The following KCNJ5 variants were observed in gnomAD, a reference collection of about 807,000 sequenced individuals.
KCNJ5 encodes the protein potassium inwardly rectifying channel subfamily J member 5.
In KCNJ5, 12 loss-of-function variants were observed where a neutral mutation model predicts 20.2. The observed-to-expected ratio is 0.59, with a 90% CI of 0.38 to 0.96. The LOEUF is 0.96. KCNJ5 is among the 40% of genes least tolerant of loss of function. The probability of loss-of-function intolerance (pLI) is 0.00; values close to 1 mark genes in which losing one functional copy is unlikely to be tolerated. For missense variants in KCNJ5, 449 were observed against 557.6 expected (o/e 0.81, Z 1.96); for synonymous variants, 210 against 213.9 (o/e 0.98, Z 0.16).
At chr11:128,902,051 T>G (rs990239908) in intron 1 of KCNJ5, 4 of 168,850 alleles carry the variant, frequency 2.4e-5, no homozygotes, top group Admixed American at 1.6e-4. Context: ...CCACCCTGGA[T>G]AGTAAAGGTG....
chr11:128,904,084 A>C (rs553033949), intron 1 of KCNJ5, among the ~76,000 whole-genome samples: 12 of 152,360 alleles, frequency 7.9e-5, no homozygotes, highest in African/African-American at 2.4e-4. Context: ...TGAGGCGACT[A>C]AAACGGACTT....
intron 1 of KCNJ5, chr11:128,903,502 G>C: frequency 6.2e-7 from 1 of 1,614,098 alleles, no homozygotes; most frequent in South Asian, 1.1e-5. Context: ...CCTGACAGAG[G>C]CAGACCTGCC....
chr11:128,903,638 G>A, intron 1 of KCNJ5: 1 of 985,076 alleles, frequency 1.0e-6, no homozygotes, highest in Middle Eastern at 2.5e-4. Context: ...GGGCACTCTT[G>A]GTGATGATGC....
Position 128,911,248 on chromosome 11 carries a change from TCTTTTTAA to T in KCNJ5, c.-10-13_-10-6del, listed in dbSNP as rs1565551327. 6.2e-7 allele frequency: 1 copy of T among 1,604,282 alleles called. No individual in the cohort carries two copies. Among genetic ancestry groups the T allele is most frequent in the Non-Finnish European group, 8.5e-7 (1 of 1,171,546 alleles). ...AGAACAGCCCACTTCACTGATGGTG[TCTTTTTAA>T]CTCAAAGCATCCCAGCTATGGCTGG... On this transcript the variant is annotated splice_polypyrimidine_tract_variant and splice_region_variant and intron_variant, in intron 1 of 2. Transcript: ENST00000529694. This position sits in a 1 kb window ranked among gnomAD's most constrained non-coding sequence, Gnocchi z 6.3.
chr11:128,911,546 C>T lies in KCNJ5; in HGVS notation c.273C>T (p.Leu91=), dbSNP rs146853795. 621 of 1,614,230 alleles carry T rather than the reference C, an allele frequency of 3.8e-4. 1 individual carries two copies. The highest frequency in any genetic ancestry group is 4.7e-4 in the Non-Finnish European group (556 of 1,180,044). Residue 91 remains leucine (L), a synonymous_variant, in exon 2 of 3, where the codon CTC becomes CTT. Coordinates refer to ENST00000529694, the MANE Select transcript of KCNJ5 (RefSeq NM_000890.5). The surrounding 1 kb of genome is among the most constrained non-coding windows in gnomAD (Gnocchi z 6.3). Reference sequence around the variant, plus strand: ...ACCTCAAGTGGCGCTTCAACTTGCTCGTCTTCACCATGGTTTACACTGTCA... The same window carrying T: ...ACCTCAAGTGGCGCTTCAACTTGCTTGTCTTCACCATGGTTTACACTGTCA... The part of the protein sequence containing the change: ...LVDLKWRFNL[L]VFTMVYTVTW...
At chr11:128,904,315 C>T in intron 1 of KCNJ5, 1 of 1,458,156 alleles carries the variant, frequency 6.9e-7, no homozygotes. Flanking sequence ...TTCAGGACTG[C>T]ACCCTGGCCT....
intron 1 of KCNJ5, among the ~76,000 whole-genome samples, chr11:128,910,301 G>A (rs557691854): frequency 6.2e-4 from 95 of 152,250 alleles, no homozygotes; most frequent in Non-Finnish European, 1.2e-3. Flanking sequence ...AACACATTAC[G>A]CCCTTTGAAG....
intron 1 of KCNJ5, among the ~76,000 whole-genome samples, chr11:128,908,616 A>T (rs148090402): frequency 3.9e-5 from 6 of 152,234 alleles, no homozygotes; most frequent in Non-Finnish European, 7.3e-5. Context: ...GCCTTCGCCT[A>T]CAAGAATGTA....
rs1301694829 is a variant in KCNJ5, at chr11:128,917,330, G to C, written c.*599G>C. ...CTCTGCTGTTATCTGCCAAATGTGT[G>C]TGTTTTTCCTCTGCTGTGTTCTGTG... On this transcript the variant is annotated 3_prime_UTR_variant, in exon 3 of 3. Transcript: ENST00000529694. The C allele has an allele frequency of 6.5e-6, 1 of 153,220 alleles. No homozygotes were observed. The highest frequency in any genetic ancestry group is 1.9e-4 in the East Asian group (1 of 5,206). 9.5% of individuals were successfully genotyped at this position (153,220 alleles called of 1,614,324 possible).
chr11:128,891,457 G>GAGAGAGAGAA lies in KCNJ5; in HGVS notation c.-266_-265insAAGAGAGAGA. On this transcript the variant is annotated 5_prime_UTR_variant, in exon 1 of 3. Transcript: ENST00000529694. ...ACACACACACAGAGAGAGAGAGAGA[G>GAGAGAGAGAA]AGAGAGAGAGAGAGAGAGATTGTTC... 1 of 151,488 alleles carries GAGAGAGAGAA rather than the reference G, an allele frequency of 6.6e-6. No individual in the cohort carries two copies. Among genetic ancestry groups the GAGAGAGAGAA allele is most frequent in the Non-Finnish European group, 1.5e-5 (1 of 68,344 alleles). 9.4% of individuals were successfully genotyped at this position (151,488 alleles called of 1,614,324 possible).
At position 128,916,542 on chromosome 11, in the gene KCNJ5, C is replaced by A; in HGVS notation, c.1071C>A (p.Thr357=). ...DYNTFHDTYE[T]NTPSCCAKEL... ...ACACCTTCCATGATACCTATGAGAC[C>A]AACACACCCAGCTGCTGTGCCAAGG... Residue 357 remains threonine, a synonymous_variant, in exon 3 of 3, where the codon ACC becomes ACA. Coordinates refer to ENST00000529694, the MANE Select transcript of KCNJ5 (RefSeq NM_000890.5). The A allele has an allele frequency of 6.2e-7, 1 of 1,614,128 alleles. No homozygotes were observed. Among genetic ancestry groups the A allele is most frequent in the Non-Finnish European group, 8.5e-7 (1 of 1,180,012 alleles).
At chr11:128,905,204 C>T (rs899649134) in intron 1 of KCNJ5, among the ~76,000 whole-genome samples, 1 of 152,180 alleles carries the variant, frequency 6.6e-6, no homozygotes, top group Non-Finnish European at 1.5e-5. Flanking sequence ...GGCCTCCCCA[C>T]GCCCGTTCCC....
chr11:128,916,721 G>C lies in KCNJ5; in HGVS notation c.1250G>C (p.Gly417Ala). The change falls in exon 3 of 3, where the codon GGC (glycine) becomes GCC (alanine). Residue 417 changes from glycine to alanine, a missense_variant. Physicochemically the swap from Gly to Ala is moderately conservative, Grantham distance 60. Transcript: ENST00000529694. Reference sequence around the variant, plus strand: ...CTGGGTGGGTCCAGGGAGGCCAGGGGCTCGGTGTGAGGGGTGCAGCCTCCC... The same window carrying C: ...CTGGGTGGGTCCAGGGAGGCCAGGGCCTCGGTGTGAGGGGTGCAGCCTCCC... The part of the protein sequence containing the change: ...KGLGGSREAR[G>A]SV 1 of 1,603,096 alleles carries C rather than the reference G, an allele frequency of 6.2e-7. No homozygotes were observed. The highest frequency in any genetic ancestry group is 8.5e-7 in the Non-Finnish European group (1 of 1,175,422).
chr11:128,892,460 C>G (rs1190579737), intron 1 of KCNJ5, among the ~76,000 whole-genome samples: 1 of 152,188 alleles, frequency 6.6e-6, no homozygotes, highest in Non-Finnish European at 1.5e-5. Flanking sequence ...GGTCCGGCCC[C>G]CAAAGTTCTA....
chr11:128,907,949 G>A (rs562169436), intron 1 of KCNJ5, among the ~76,000 whole-genome samples: 13 of 152,254 alleles, frequency 8.5e-5, no homozygotes, highest in South Asian at 6.2e-4. Context: ...AACGGATCTC[G>A]AAAACCTGAT....
intron 1 of KCNJ5, among the ~76,000 whole-genome samples, chr11:128,892,887 T>C (rs986815530): frequency 1.3e-5 from 2 of 152,210 alleles, no homozygotes; most frequent in African/African-American, 4.8e-5. Context: ...TCTTCTGTTT[T>C]ATAGATGAGA....
At chr11:128,902,247 T>G in intron 1 of KCNJ5, 1 of 436,546 alleles carries the variant, frequency 2.3e-6, no homozygotes, top group Non-Finnish European at 4.2e-6. Context: ...TCAGCATCCA[T>G]TACATCGGCG....
intron 1 of KCNJ5, chr11:128,904,374 C>T (rs1944354171): frequency 1.2e-6 from 2 of 1,607,518 alleles, no homozygotes; most frequent in Non-Finnish European, 8.5e-7. Flanking sequence ...GTACTCCCCA[C>T]CAGACCAGGA....
chr11:128,901,515 G>C (rs1944276140), intron 1 of KCNJ5: 1 of 152,286 alleles, frequency 6.6e-6, no homozygotes. Flanking sequence ...AAAGGCCATG[G>C]AGAATGCGGC....
Sources: gnomAD v4.1 joint callset for allele counts (sites outside exome capture counted in the v4.1 genomes callset) on GRCh38, gnomAD v4.1.1 for gene constraint, Gnocchi (gnomAD v3.1) non-coding constraint, MANE v1.5 for transcripts, NCBI Gene and HGNC (gene_info 2026-07-23, HGNC 2026-07-21) for gene names.